Variants in PTPRT observed in about 807,000 individuals in gnomAD.
PTPRT encodes protein tyrosine phosphatase receptor type T.
A neutral mutation model predicts 176.8 loss-of-function variants in PTPRT; 56 were observed. The ratio of observed to expected loss-of-function variants is 0.32; its 90% confidence interval spans 0.26 to 0.40. The LOEUF (loss-of-function observed/expected upper bound fraction) is 0.40, where lower values mean the gene tolerates loss of function less well. PTPRT is among the 10% of genes least tolerant of loss of function. The pLI is 1.00. For missense variants in PTPRT, 1,540 were observed against 1,908.2 expected (o/e 0.81, Z 3.60); for synonymous variants, 783 against 739.0 (o/e 1.06, Z -0.96).
chr20:42,447,350 C>T (rs529955836), intron 9 of PTPRT, among the ~76,000 whole-genome samples: 1 of 152,034 alleles, frequency 6.6e-6, no homozygotes, highest in Non-Finnish European at 1.5e-5. Context: ...GAGGAATCTA[C>T]CAAAGGTAAC....
In PTPRT at chr20:42,944,050, A is replaced by G. The variant is rs185335507; in HGVS notation, c.89-58118T>C. On this transcript the variant is annotated intron_variant, in intron 1 of 30. Coordinates refer to ENST00000373187, the MANE Select transcript of PTPRT (RefSeq NM_007050.6). The stretch of plus-strand genomic sequence containing the variant: ...TAAAAATAAATAAATAAATAAACAA[A>G]CAAACAAACAAACCTCCTTGAAATT... Among the ~76,000 whole-genome samples, 881 of 152,102 alleles carry G rather than the reference A, an allele frequency of 5.8e-3. 5 individuals carry two copies. The highest frequency in any genetic ancestry group is 9.4e-3 in the Non-Finnish European group (636 of 67,966).
At chr20:42,565,106 G>A (rs942776365) in intron 7 of PTPRT, among the ~76,000 whole-genome samples, 3 of 152,102 alleles carry the variant, frequency 2.0e-5, no homozygotes, top group African/African-American at 7.2e-5. Context: ...GCTGGGACAT[G>A]AAGACAGCAC....
intron 1 of PTPRT, among the ~76,000 whole-genome samples, chr20:43,176,785 G>A (rs1278352065): frequency 6.6e-6 from 1 of 152,174 alleles, no homozygotes; most frequent in South Asian, 2.1e-4. Flanking sequence ...TTTGTAAATA[G>A]TCCTTAAATA....
chr20:42,756,196 T>C (rs2076829512), intron 6 of PTPRT, among the ~76,000 whole-genome samples: 1 of 152,236 alleles, frequency 6.6e-6, no homozygotes. Context: ...AATTTGAAGA[T>C]GTCTTCTGTG....
At chr20:42,177,724 G>GT (rs1317666828) in intron 16 of PTPRT, among the ~76,000 whole-genome samples, 1 of 152,136 alleles carries the variant, frequency 6.6e-6, no homozygotes, top group East Asian at 1.9e-4. Context: ...GGGAACTACT[G>GT]TTATAACCAT....
At chr20:42,280,601 A>C (rs2057123327) in intron 13 of PTPRT, among the ~76,000 whole-genome samples, 1 of 152,112 alleles carries the variant, frequency 6.6e-6, no homozygotes. Context: ...TACACACTCC[A>C]TTCACTTAAG....
At chr20:43,165,900 C>T (rs920246615) in intron 1 of PTPRT, among the ~76,000 whole-genome samples, 3 of 152,120 alleles carry the variant, frequency 2.0e-5, no homozygotes, top group Non-Finnish European at 4.4e-5. Context: ...CCCTCAAAAG[C>T]TCTACGGGGC....
chr20:43,105,999 G>C lies in PTPRT; in HGVS notation c.88+83647C>G, dbSNP rs138084415. Among the ~76,000 whole-genome samples, 209 of 152,200 alleles carry C rather than the reference G, an allele frequency of 1.4e-3. 1 individual carries two copies. Among genetic ancestry groups the C allele is most frequent in the African/African-American group, 4.8e-3 (200 of 41,504 alleles). On this transcript the variant is annotated intron_variant, in intron 1 of 30. Coordinates refer to ENST00000373187, the MANE Select transcript of PTPRT (RefSeq NM_007050.6). ...CCCATCATTCACAAGGATGCAACAGGTTCAGGGGGTGAGGGGCAGGTGCCT... is the reference window on the plus strand; with the variant it reads ...CCCATCATTCACAAGGATGCAACAGCTTCAGGGGGTGAGGGGCAGGTGCCT...
intron 7 of PTPRT, among the ~76,000 whole-genome samples, chr20:42,580,578 A>C (rs896099571): frequency 8.6e-5 from 13 of 151,784 alleles, no homozygotes; most frequent in East Asian, 3.9e-4. Context: ...CTTTTATTTC[A>C]TTGAGCAGTG....
chr20:42,803,721 T>A lies in PTPRT; in HGVS notation c.215-12255A>T, dbSNP rs181572583. Among the ~76,000 whole-genome samples the A allele has an allele frequency of 2.7e-3, 411 of 152,232 alleles. 3 individuals carry two copies. Among genetic ancestry groups the A allele is most frequent in the African/African-American group, 9.6e-3 (400 of 41,562 alleles). The stretch of plus-strand genomic sequence containing the variant: ...GGCATGTGCCATCATACCCAGCTAA[T>A]TTTTGTATTTTTAGTAGAGACAGCA... On this transcript the variant is annotated intron_variant, in intron 2 of 30. Transcript: ENST00000373187.
At chr20:42,703,708 C>T (rs528891451) in intron 6 of PTPRT, among the ~76,000 whole-genome samples, 2 of 152,256 alleles carry the variant, frequency 1.3e-5, no homozygotes, top group African/African-American at 2.4e-5. Context: ...GGAACTTATC[C>T]AAGGCCATAC....
chr20:43,000,655 C>T (rs6030599), intron 1 of PTPRT, among the ~76,000 whole-genome samples: 4,799 of 151,762 alleles, frequency 0.032, 229 homozygotes, highest in African/African-American at 0.11. Context: ...TTGAGATTAT[C>T]AAATAGAATG....
At chr20:42,948,096 G>C (rs1211170686) in intron 1 of PTPRT, among the ~76,000 whole-genome samples, 1 of 152,180 alleles carries the variant, frequency 6.6e-6, no homozygotes, top group Non-Finnish European at 1.5e-5. Flanking sequence ...TTTCTAGAAA[G>C]TGACATGCCA....
At chr20:43,045,902 C>T (rs547638004) in intron 1 of PTPRT, among the ~76,000 whole-genome samples, 1 of 152,232 alleles carries the variant, frequency 6.6e-6, no homozygotes, top group Admixed American at 6.5e-5. Flanking sequence ...ATTTAGATTC[C>T]ATAGCTAAGA....
chr20:42,854,569 G>A (rs2078529910), intron 2 of PTPRT, among the ~76,000 whole-genome samples: 1 of 152,216 alleles, frequency 6.6e-6, no homozygotes, highest in Non-Finnish European at 1.5e-5. Flanking sequence ...CCTTGAAGCA[G>A]AGTAACAGAC....
chr20:42,716,505 T>C (rs1034945079), intron 6 of PTPRT, among the ~76,000 whole-genome samples: 2 of 152,234 alleles, frequency 1.3e-5, no homozygotes, highest in African/African-American at 4.8e-5. Context: ...TGACCAGTGA[T>C]GATGAGCATT....
intron 1 of PTPRT, among the ~76,000 whole-genome samples, chr20:42,914,337 C>T (rs1331259539): frequency 6.6e-6 from 1 of 152,078 alleles, no homozygotes; most frequent in Non-Finnish European, 1.5e-5. Context: ...TGATTAGTTG[C>T]CTGTGCTCAA....
chr20:42,593,169 T>A (rs532473563), intron 7 of PTPRT, among the ~76,000 whole-genome samples: 1 of 152,164 alleles, frequency 6.6e-6, no homozygotes, highest in Non-Finnish European at 1.5e-5. Context: ...GTAATCATCA[T>A]GGAATCTCAG....
chr20:42,686,683 G>A (rs547462223), intron 6 of PTPRT, among the ~76,000 whole-genome samples: 34 of 151,636 alleles, frequency 2.2e-4, no homozygotes, highest in South Asian at 6.3e-4. Flanking sequence ...TGGTAGAGAC[G>A]GGGTTTCACC....
Sources: gnomAD v4.1 joint callset for allele counts (sites outside exome capture counted in the v4.1 genomes callset) on GRCh38, gnomAD v4.1.1 for gene constraint, MANE v1.5 for transcripts, NCBI Gene and HGNC (gene_info 2026-07-23, HGNC 2026-07-21) for gene names.